ERBB4: variants seen among roughly 807,000 people sequenced by gnomAD.
ERBB4 encodes erb-b2 receptor tyrosine kinase 4.
ERBB4 carries 42 observed loss-of-function variants against 158.0 expected under a neutral mutation model. The ratio of observed to expected loss-of-function variants is 0.27; its 90% CI spans 0.21 to 0.34. The LOEUF (loss-of-function observed/expected upper bound fraction) is 0.34. ERBB4 is among the 10% of genes least tolerant of loss of function. The probability of loss-of-function intolerance (pLI) is 1.00; values close to 1 mark genes in which losing one functional copy is unlikely to be tolerated. For synonymous variants in ERBB4, 583 were observed against 558.7 expected, an observed-to-expected ratio of 1.04 and a Z score of -0.61; for missense variants, 1,333 against 1,624.1, an observed-to-expected ratio of 0.82 and a Z score of 3.08.
chr2:211,565,238 A>C (rs2067513225), intron 19 of ERBB4, among the ~76,000 whole-genome samples: 1 of 152,212 alleles, frequency 6.6e-6, no homozygotes, highest in South Asian at 2.1e-4. Context: ...TTACATAATC[A>C]TAATAGTTTA....
intron 1 of ERBB4, 186 bp from the exon 2 acceptor site, chr2:212,125,089 T>C (rs2079881503): frequency 3.2e-6 from 2 of 631,502 alleles, no homozygotes; most frequent in Admixed American, 4.9e-5. Flanking sequence ...TATTCCCAAA[T>C]TACATGTGCT....
At chr2:212,144,069 A>G (rs1575697730) in intron 1 of ERBB4, among the ~76,000 whole-genome samples, 1 of 152,242 alleles carries the variant, frequency 6.6e-6, no homozygotes, top group East Asian at 1.9e-4. Flanking sequence ...TAAACTAGAA[A>G]TAGATCAGGA....
chr2:212,529,956 T>G (rs1384957845), intron 1 of ERBB4, among the ~76,000 whole-genome samples: 1 of 152,180 alleles, frequency 6.6e-6, no homozygotes, highest in Non-Finnish European at 1.5e-5. Context: ...ACTAGGTCAG[T>G]CTGGTTTTTA....
chr2:212,363,639 G>T (rs1392160713), intron 1 of ERBB4, among the ~76,000 whole-genome samples: 1 of 149,448 alleles, frequency 6.7e-6, no homozygotes. Context: ...GCACCTGTTT[G>T]TTGCTTTCAT....
At chr2:211,925,376 CTTTTTTTTTTTT>C (rs71054150) in intron 3 of ERBB4, among the ~76,000 whole-genome samples, 2 of 81,576 alleles carry the variant, frequency 2.5e-5, no homozygotes, top group Non-Finnish European at 4.5e-5. Flanking sequence ...AACAAGACTG[CTTTTTTTTTTTT>C]TTTTTTTTTT....
intron 1 of ERBB4, among the ~76,000 whole-genome samples, chr2:212,156,109 T>A (rs2081028195): frequency 6.6e-6 from 1 of 152,230 alleles, no homozygotes; most frequent in Admixed American, 6.6e-5. Flanking sequence ...GGTCTTGTAC[T>A]CATTCAGAGG....
At chr2:212,078,603 T>C (rs747112084) in intron 2 of ERBB4, among the ~76,000 whole-genome samples, 3 of 152,030 alleles carry the variant, frequency 2.0e-5, no homozygotes, top group Non-Finnish European at 4.4e-5. Context: ...TGTGGTGTTG[T>C]ATTTTTCTAA....
intron 2 of ERBB4, among the ~76,000 whole-genome samples, chr2:212,097,179 T>C (rs895176767): frequency 1.3e-5 from 2 of 151,978 alleles, no homozygotes; most frequent in African/African-American, 4.8e-5. Flanking sequence ...GGTTTTCATG[T>C]AGGGACAAGC....
chr2:211,394,355 G>A (rs751605511), intron 25 of ERBB4, among the ~76,000 whole-genome samples: 1 of 152,126 alleles, frequency 6.6e-6, no homozygotes, highest in Non-Finnish European at 1.5e-5. Context: ...CCTGGTGCAA[G>A]TTCTGCATTT....
intron 1 of ERBB4, among the ~76,000 whole-genome samples, chr2:212,362,160 T>C (rs2089712538): frequency 6.6e-6 from 1 of 151,544 alleles, no homozygotes; most frequent in Non-Finnish European, 1.5e-5. Context: ...TTAAATTCAG[T>C]GGCTATCATT....
intron 25 of ERBB4, among the ~76,000 whole-genome samples, chr2:211,393,196 A>C (rs2125333955): frequency 6.6e-6 from 1 of 152,328 alleles, no homozygotes; most frequent in African/African-American, 2.4e-5. Flanking sequence ...ATAGATGAAT[A>C]CATGATAACT....
chr2:212,313,046 A>G (rs937798947), intron 1 of ERBB4, among the ~76,000 whole-genome samples: 6 of 150,862 alleles, frequency 4.0e-5, no homozygotes, highest in African/African-American at 1.5e-4. Context: ...TTCTTTTCAT[A>G]TGGTAAGGAC....
At chr2:211,422,682 A>G (rs1024160950) in intron 23 of ERBB4, among the ~76,000 whole-genome samples, 3 of 151,924 alleles carry the variant, frequency 2.0e-5, no homozygotes, top group African/African-American at 7.2e-5. Context: ...TAATGAGATG[A>G]CAAGAATAAA....
At chr2:211,620,030 G>A (rs2069538448) in intron 18 of ERBB4, among the ~76,000 whole-genome samples, 1 of 152,058 alleles carries the variant, frequency 6.6e-6, no homozygotes, top group Non-Finnish European at 1.5e-5. Flanking sequence ...TATAAAGTTG[G>A]TAGAGTTTGA....
intron 2 of ERBB4, among the ~76,000 whole-genome samples, chr2:212,014,125 C>T (rs1481305872): frequency 6.6e-6 from 1 of 152,212 alleles, no homozygotes; most frequent in Non-Finnish European, 1.5e-5. Flanking sequence ...TGTCACTGTG[C>T]ATGCTGGCCC....
intron 5 of ERBB4, among the ~76,000 whole-genome samples, chr2:211,743,221 A>C: frequency 6.6e-6 from 1 of 152,184 alleles, no homozygotes; most frequent in Admixed American, 6.5e-5. Flanking sequence ...AAAACTAAAG[A>C]GTGTATTGAG....
At chr2:212,371,362 G>A (rs1387469911) in intron 1 of ERBB4, among the ~76,000 whole-genome samples, 1 of 152,164 alleles carries the variant, frequency 6.6e-6, no homozygotes, top group East Asian at 1.9e-4. Context: ...CATATCCTCT[G>A]CTCTACGCAA....
chr2:211,847,010 G>A (rs1266218374), intron 3 of ERBB4, among the ~76,000 whole-genome samples: 3 of 152,118 alleles, frequency 2.0e-5, no homozygotes, highest in Non-Finnish European at 2.9e-5. Context: ...ACATATGGAA[G>A]TTAAGTGAAG....
chr2:211,768,005 G>A (rs1180370555), intron 4 of ERBB4, among the ~76,000 whole-genome samples: 1 of 152,184 alleles, frequency 6.6e-6, no homozygotes, highest in Non-Finnish European at 1.5e-5. Context: ...CTATGAGTCT[G>A]TAAAATTGAA....
Sources: gnomAD v4.1 joint callset for allele counts (sites outside exome capture counted in the v4.1 genomes callset) on GRCh38, gnomAD v4.1.1 for gene constraint, MANE v1.5 for transcripts, NCBI Gene and HGNC (gene_info 2026-07-23, HGNC 2026-07-21) for gene names.